The following ZNF761 variants were observed in gnomAD, a reference collection of about 807,000 sequenced individuals.
ZNF761 encodes the protein zinc finger protein 761.
A neutral mutation model predicts 59.9 loss-of-function variants in ZNF761; 43 were observed. The observed-to-expected ratio is 0.72, with a 90% CI of 0.56 to 0.92. The LOEUF (loss-of-function observed/expected upper bound fraction) is 0.92, where lower values mean the gene tolerates loss of function less well. Among genes scored for constraint, ZNF761 ranks in the 40% least tolerant of loss-of-function variants. ZNF761 has a pLI of 0.00. For synonymous variants in ZNF761, 294 were observed against 304.8 expected (o/e 0.96, Z 0.37); for missense variants, 850 against 906.1 (o/e 0.94, Z 0.79).
At chr19:53,449,677 T>A (rs2086199117) in intron 4 of ZNF761, 39 bp downstream of exon 4, 5 of 1,591,716 alleles carry the variant, frequency 3.1e-6, no homozygotes, top group Non-Finnish European at 4.3e-6. Context: ...AATGTGCCCT[T>A]GTGTATCTTT....
intron 3 of ZNF761, among the ~76,000 whole-genome samples, chr19:53,448,924 C>T (rs1396884688): frequency 2.6e-5 from 4 of 152,124 alleles, no homozygotes; most frequent in East Asian, 1.9e-4. Context: ...AGGCATGTGC[C>T]GCTGTGCCCA....
At chr19:53,436,815 G>T (rs1344536667) in intron 1 of ZNF761, among the ~76,000 whole-genome samples, 1 of 152,172 alleles carries the variant, frequency 6.6e-6, no homozygotes, top group Non-Finnish European at 1.5e-5. Flanking sequence ...AACTTATCTT[G>T]AAAAGGTGCA....
rs774330275 is a variant in ZNF761, at chr19:53,449,575, C to A, written c.79C>A (p.Pro27Thr). 6 of 1,613,340 alleles carry A rather than the reference C, an allele frequency of 3.7e-6. No individual in the cohort carries two copies. Among genetic ancestry groups the A allele is most frequent in the Non-Finnish European group, 5.1e-6 (6 of 1,179,844 alleles). ...FSQEEWKCLDPAQRTLYRDVM... is the reference protein window; with the variant it reads ...FSQEEWKCLDTAQRTLYRDVM... ...TCAGGAGGAGTGGAAATGCCTGGAC[C>A]CTGCTCAGAGGACTCTATACAGGGA... The change falls in exon 4 of 5, where the codon CCT (proline) becomes ACT (threonine). Residue 27 changes from proline (P) to threonine (T), a missense_variant. Physicochemically the swap from Pro to Thr is conservative, Grantham distance 38 (BLOSUM62 -1). Transcript: ENST00000684525.
chr19:53,455,198 A>G lies in ZNF761; in HGVS notation c.691A>G (p.Arg231Gly), dbSNP rs2086255387. 1.2e-6 allele frequency: 2 copies of G among 1,614,220 alleles called. No homozygotes were observed. The highest frequency in any genetic ancestry group is 2.2e-5 in the South Asian group (2 of 91,076). The change falls in exon 5 of 5, where the codon AGG (arginine) becomes GGG (glycine). Residue 231 changes from arginine to glycine, a missense_variant. By Grantham distance (125) the Arg-to-Gly change is moderately radical. Transcript: ENST00000684525. Reference protein sequence around the residue: ...GKAFNYSSLLRKHQIIHLADK... With the variant: ...GKAFNYSSLLGKHQIIHLADK... ...AGCCTTTAATTACAGCTCACTCTTA[A>G]GGAAACATCAGATAATCCATTTAGC...
At chr19:53,433,463 A>ACAGCGTTATCTTGTAACT (rs61408827) in intron 1 of ZNF761, among the ~76,000 whole-genome samples, 4 of 139,210 alleles carry the variant, frequency 2.9e-5, no homozygotes, top group South Asian at 2.3e-4. Context: ...GACTTCGCCA[A>ACAGCGTTATCTTGTAACT]GTCGAGCTTG....
In ZNF761 at chr19:53,455,340, C is replaced by T. The variant is rs569684136; in HGVS notation, c.833C>T (p.Thr278Ile). Residue 278 changes from threonine to isoleucine, a missense_variant, in exon 5 of 5, where the codon ACC becomes ATC. Physicochemically the swap from Thr to Ile is moderately conservative, Grantham distance 89. Transcript: ENST00000684525. Reference sequence around the variant, plus strand: ...TACAAGTGTAATGAGTGTGGCAAGACCTTCAGTCAGACGTCATCCCTTACA... The same window carrying T: ...TACAAGTGTAATGAGTGTGGCAAGATCTTCAGTCAGACGTCATCCCTTACA... The part of the protein sequence containing the change: ...NPYKCNECGK[T>I]FSQTSSLTCH... 12 of 1,614,174 alleles carry T rather than the reference C, an allele frequency of 7.4e-6. No homozygotes were observed. The highest frequency in any genetic ancestry group is 1.6e-4 in the Middle Eastern group (1 of 6,062).
At chr19:53,445,945 C>T (rs1600091184) in intron 1 of ZNF761, among the ~76,000 whole-genome samples, 1 of 152,174 alleles carries the variant, frequency 6.6e-6, no homozygotes, top group African/African-American at 2.4e-5. Context: ...GGAGCTTGCC[C>T]TCATCTCATG....
chr19:53,435,351 C>T (rs1402832223), intron 1 of ZNF761, among the ~76,000 whole-genome samples: 3 of 109,460 alleles, frequency 2.7e-5, no homozygotes, highest in Non-Finnish European at 3.3e-5. Flanking sequence ...GTTGCCCAGT[C>T]TGGAGTGCAA....
At chr19:53,441,483 G>A (rs2086099598) in intron 1 of ZNF761, among the ~76,000 whole-genome samples, 1 of 148,202 alleles carries the variant, frequency 6.7e-6, no homozygotes, top group South Asian at 2.2e-4. Flanking sequence ...ATCTCACGCA[G>A]TCACCCAGGC....
chr19:53,439,723 C>G (rs1045964999), intron 1 of ZNF761, among the ~76,000 whole-genome samples: 1 of 152,094 alleles, frequency 6.6e-6, no homozygotes, highest in African/African-American at 2.4e-5. Flanking sequence ...TTCATTTGAA[C>G]CTGGCCCTGG....
chr19:53,458,108 A>T lies in ZNF761; in HGVS notation c.*1360A>T, dbSNP rs1189214675. ...AAAATTGTTTATTGTTAAAGTATGG[A>T]AATTCAACTAATTTTTGGTGCTGAT... is the stretch of plus-strand genomic sequence containing the variant. On this transcript the variant is annotated 3_prime_UTR_variant, in exon 5 of 5. Coordinates refer to ENST00000684525, the MANE Select transcript of ZNF761 (RefSeq NM_001289951.2). 6.6e-6 allele frequency: 1 copy of T among 152,306 alleles called. No homozygotes were observed. Among genetic ancestry groups the T allele is most frequent in the Non-Finnish European group, 1.5e-5 (1 of 68,122 alleles). 9.4% of individuals were successfully genotyped at this position (152,306 alleles called of 1,614,324 possible).
intron 4 of ZNF761, among the ~76,000 whole-genome samples, chr19:53,450,733 A>G (rs373999334): frequency 2.0e-5 from 3 of 152,052 alleles, no homozygotes; most frequent in African/African-American, 7.2e-5. Context: ...CCAGTGGCTC[A>G]CGCCTGTAAT....
intron 3 of ZNF761, among the ~76,000 whole-genome samples, chr19:53,447,664 C>G (rs1174979498): frequency 6.6e-6 from 1 of 152,126 alleles, no homozygotes; most frequent in African/African-American, 2.4e-5. Flanking sequence ...TTCATGTGCA[C>G]AAAGTATGTG....
Position 53,456,007 on chromosome 19 carries a change from C to T in ZNF761, c.1500C>T (p.Gly500=). Reference sequence around the variant, plus strand: ...AACCATACAAGTGTAATGAGTGTGGCAAGACCTTTAGTCGGAAGTCATACC... The same window carrying T: ...AACCATACAAGTGTAATGAGTGTGGTAAGACCTTTAGTCGGAAGTCATACC... ...GEKPYKCNEC[G]KTFSRKSYLT... is the part of the protein sequence containing the mutation. Residue 500 remains glycine (G), a synonymous_variant, in exon 5 of 5, where the codon GGC becomes GGT. Transcript: ENST00000684525. 6.2e-7 allele frequency: 1 copy of T among 1,613,878 alleles called. No homozygotes were observed. Among genetic ancestry groups the T allele is most frequent in the Non-Finnish European group, 8.5e-7 (1 of 1,179,920 alleles).
intron 4 of ZNF761, among the ~76,000 whole-genome samples, chr19:53,453,194 G>T (rs2086235877): frequency 6.6e-6 from 1 of 151,976 alleles, no homozygotes. Flanking sequence ...AGTAGAGTTG[G>T]GATTTCACCA....
intron 1 of ZNF761, chr19:53,441,931 T>G: frequency 6.6e-7 from 1 of 1,523,020 alleles, no homozygotes; most frequent in South Asian, 1.1e-5. Context: ...AGGCAGATGA[T>G]GCAGAGGAGT....
At chr19:53,434,426 G>T (rs889857969) in intron 1 of ZNF761, among the ~76,000 whole-genome samples, 9 of 152,252 alleles carry the variant, frequency 5.9e-5, no homozygotes, top group East Asian at 1.9e-4. Flanking sequence ...CGGTAGGCCT[G>T]TGGCCCACAG....
intron 1 of ZNF761, among the ~76,000 whole-genome samples, chr19:53,435,763 A>G (rs1482701983): frequency 2.0e-5 from 3 of 152,074 alleles, no homozygotes; most frequent in Middle Eastern, 3.2e-3. Context: ...TGACAACAGC[A>G]AAACAGTGTA....
rs532051568 is a variant in ZNF761, at chr19:53,433,278, A to T, written c.-185+1250A>T. On this transcript the variant is annotated intron_variant, in intron 1 of 4. Coordinates refer to ENST00000684525, the MANE Select transcript of ZNF761 (RefSeq NM_001289951.2). ...TAAAAGCAGTTAATCATATAATGAT[A>T]GGTCATGTAATCTATAGCATAGCAT... 4.7e-4 allele frequency among the ~76,000 whole-genome samples: 72 copies of T among 152,310 alleles called. No homozygotes were observed. In the Middle Eastern group the frequency reaches 0.024, roughly 50 times the overall value.
Sources: gnomAD v4.1 joint callset for allele counts (sites outside exome capture counted in the v4.1 genomes callset) on GRCh38, gnomAD v4.1.1 for gene constraint, MANE v1.5 for transcripts, NCBI Gene and HGNC (gene_info 2026-07-23, HGNC 2026-07-21) for gene names.